CFAP92: variants seen among roughly 807,000 people sequenced by gnomAD.
The protein encoded by CFAP92 is uncharacterized protein CFAP92.
A neutral mutation model predicts 106.3 loss-of-function variants in CFAP92; 86 were observed. The ratio of observed to expected loss-of-function variants is 0.81; its 90% confidence interval spans 0.68 to 0.97. The LOEUF is 0.97. Among genes scored for constraint, CFAP92 ranks in the 50% least tolerant of loss-of-function variants. CFAP92 has a pLI of 0.00. For missense variants in CFAP92, 1,204 were observed against 1,283.8 expected, an observed-to-expected ratio of 0.94 and a Z score of 0.95; for synonymous variants, 477 against 506.4, an observed-to-expected ratio of 0.94 and a Z score of 0.78.
rs375673134 is a variant in CFAP92, at chr3:128,979,947, A to AATATATAT, written c.668-1770_668-1763dup. On this transcript the variant is annotated intron_variant, in intron 4 of 15. Coordinates refer to ENST00000645291, the MANE Select transcript of CFAP92 (RefSeq NM_001394090.1). Reference sequence around the variant, plus strand: ...TGTACCCTAAAACTTAAAGTATAATAATATATATATATATATATATATATA... The same window carrying AATATATAT: ...TGTACCCTAAAACTTAAAGTATAATAATATATATATATATATATATATATATATATATA... Among the ~76,000 whole-genome samples the AATATATAT allele has an allele frequency of 6.7e-3, 853 of 128,254 alleles. 5 individuals carry two copies. Among genetic ancestry groups the AATATATAT allele is most frequent in the South Asian group, 0.016 (61 of 3,726 alleles). The allele number at this position is 128,254 out of a possible 152,430, so 84.1% of individuals were successfully genotyped here. A position where few individuals can be genotyped will look rare whatever the true frequency, so the allele number is the denominator to read the frequency against.
At chr3:129,001,601 C>A in intron 1 of CFAP92, 1 of 1,355,460 alleles carries the variant, frequency 7.4e-7, no homozygotes, top group Non-Finnish European at 9.4e-7. Flanking sequence ...GGAGGAGGGA[C>A]CGGAGGAGCG....
At chr3:128,962,382 C>G (rs1445194548) in intron 9 of CFAP92, among the ~76,000 whole-genome samples, 2 of 152,084 alleles carry the variant, frequency 1.3e-5, no homozygotes, top group Admixed American at 6.6e-5. Flanking sequence ...TTAAAACTCC[C>G]CAACTCTGGT....
chr3:128,995,272 C>G (rs1340400291), upstream of CFAP92, among the ~76,000 whole-genome samples: 1 of 152,200 alleles, frequency 6.6e-6, no homozygotes, highest in Non-Finnish European at 1.5e-5. Context: ...TGGGACAGCC[C>G]CTTTAATACT....
chr3:128,984,889 A>G (rs1459442277), intron 4 of CFAP92, among the ~76,000 whole-genome samples: 3 of 152,218 alleles, frequency 2.0e-5, no homozygotes, highest in Non-Finnish European at 4.4e-5. Context: ...CTGCACTCCC[A>G]AGAAATAAGA....
chr3:128,935,442 T>G, intron 10 of CFAP92, 123 bp from the exon 11 acceptor site: 1 of 588,564 alleles, frequency 1.7e-6, no homozygotes, highest in South Asian at 3.1e-5. Flanking sequence ...CCGGGTATGG[T>G]GACTCACGCC....
chr3:129,015,329 T>C, the CFAP92 span, among the ~76,000 whole-genome samples: 3 of 152,168 alleles, frequency 2.0e-5, no homozygotes, highest in Non-Finnish European at 4.4e-5. Context: ...CCCACCTCCA[T>C]CTACAGCCTC....
At chr3:128,949,377 A>T (rs934165733) in intron 9 of CFAP92, among the ~76,000 whole-genome samples, 6 of 152,246 alleles carry the variant, frequency 3.9e-5, no homozygotes, top group Admixed American at 3.3e-4. Flanking sequence ...CTCAGCAATG[A>T]AAAGGAAAGA....
chr3:128,972,179 C>CA (rs971386511), intron 7 of CFAP92, among the ~76,000 whole-genome samples: 2 of 151,686 alleles, frequency 1.3e-5, no homozygotes, highest in Non-Finnish European at 2.9e-5. Flanking sequence ...AAGTATAAAA[C>CA]AAAAACTTTA....
intron 2 of CFAP92, chr3:128,991,969 C>G (rs1161907356): frequency 4.0e-6 from 3 of 742,930 alleles, no homozygotes; most frequent in Non-Finnish European, 4.9e-6. Context: ...GTGGGAGACA[C>G]TCAAAGACTT....
intron 12 of CFAP92, 21 bp downstream of exon 12, chr3:128,932,679 T>A (rs1013410622): frequency 1.0e-4 from 153 of 1,519,162 alleles, no homozygotes; most frequent in Non-Finnish European, 1.3e-4. Flanking sequence ...GAACCCCAAG[T>A]TGGGGAGGAA....
chr3:128,943,931 T>TG (rs1322803645), intron 10 of CFAP92, among the ~76,000 whole-genome samples: 22 of 144,106 alleles, frequency 1.5e-4, no homozygotes, highest in Non-Finnish European at 2.2e-4. Context: ...TTTTTTTTTT[T>TG]TTTTTTTTTT....
intron 12 of CFAP92, among the ~76,000 whole-genome samples, chr3:128,927,484 G>T (rs1937801565): frequency 6.6e-6 from 1 of 152,134 alleles, no homozygotes; most frequent in Admixed American, 6.5e-5. Flanking sequence ...ACTTTGGGAG[G>T]CCGAGGCGGG....
At position 128,954,515 on chromosome 3, in the gene CFAP92, A is replaced by AG. The variant is rs1278517386; in HGVS notation, c.1354-8541dup. Among the ~76,000 whole-genome samples the AG allele has an allele frequency of 1.4e-3, 68 of 47,128 alleles. 2 individuals carry two copies. Among genetic ancestry groups the AG allele is most frequent in the African/African-American group, 8.8e-3 (45 of 5,106 alleles). 30.9% of individuals were successfully genotyped at this position (47,128 alleles called of 152,430 possible). Reference sequence around the variant, plus strand: ...AGCCACCCTGTCCGGGAGGGAGGTGAGGGGGGGTCAGCCCCCCGCCCGGCC... The same window carrying AG: ...AGCCACCCTGTCCGGGAGGGAGGTGAGGGGGGGGTCAGCCCCCCGCCCGGCC... On this transcript the variant is annotated intron_variant, in intron 9 of 15. Transcript: ENST00000645291.
chr3:129,021,812 A>G, the CFAP92 span, among the ~76,000 whole-genome samples: 4 of 152,248 alleles, frequency 2.6e-5, no homozygotes, highest in African/African-American at 9.6e-5. Context: ...GAGTATTTAC[A>G]TATTGAAATG....
intron 4 of CFAP92, among the ~76,000 whole-genome samples, chr3:128,987,055 G>A (rs920471280): frequency 6.6e-6 from 1 of 152,228 alleles, no homozygotes; most frequent in Non-Finnish European, 1.5e-5. Flanking sequence ...CAGCTGCTCA[G>A]GAGGCTGAGG....
At chr3:128,981,964 T>A (rs2107802150) in intron 4 of CFAP92, among the ~76,000 whole-genome samples, 1 of 152,362 alleles carries the variant, frequency 6.6e-6, no homozygotes, top group African/African-American at 2.4e-5. Context: ...GTTCCATTTC[T>A]AGAGCACAGG....
chr3:129,001,181 C>G (rs1944717777), intron 1 of CFAP92, among the ~76,000 whole-genome samples: 1 of 152,242 alleles, frequency 6.6e-6, no homozygotes, highest in Non-Finnish European at 1.5e-5. Flanking sequence ...CAAGGCCCTC[C>G]TGGGCTTCGG....
At chr3:128,912,406 G>C (rs1053811318) in intron 15 of CFAP92, 20 of 1,014,446 alleles carry the variant, frequency 2.0e-5, no homozygotes, top group Non-Finnish European at 3.0e-5. Flanking sequence ...GCTGCTTCAT[G>C]GTGGGTGGGC....
At chr3:128,970,869 G>A in intron 8 of CFAP92, 1 of 184,338 alleles carries the variant, frequency 5.4e-6, no homozygotes. Flanking sequence ...GTGTCACACG[G>A]GAAGTGCCTG....
Sources: allele counts gnomAD v4.1 joint callset (sites outside exome capture counted in the v4.1 genomes callset), GRCh38; gene constraint gnomAD v4.1.1; transcripts MANE v1.5; gene names NCBI Gene and HGNC (gene_info 2026-07-23, HGNC 2026-07-21).